The following PADI1 variants were observed in gnomAD, a reference collection of about 807,000 sequenced individuals.
The protein encoded by PADI1 is protein-arginine deiminase type-1.
In PADI1, 65 loss-of-function variants were observed where a neutral mutation model predicts 74.8. The ratio of observed to expected loss-of-function variants is 0.87; its 90% CI spans 0.71 to 1.07. The LOEUF is 1.07. PADI1 is among the 50% of genes least tolerant of loss of function. PADI1 has a pLI of 0.00. For missense variants in PADI1, 943 were observed against 854.0 expected, an observed-to-expected ratio of 1.10 and a Z score of -1.30; for synonymous variants, 371 against 336.2, an observed-to-expected ratio of 1.10 and a Z score of -1.13.
At chr1:17,239,502 G>GTTCCTTATCCATCACCAGGTT (rs2072726855) in intron 13 of PADI1, 2 of 547,210 alleles carry the variant, frequency 3.7e-6, no homozygotes, top group Non-Finnish European at 6.6e-6. Context: ...TTCCTGAGGG[G>GTTCCTTATCCATCACCAGGTT]TTCCTTATCC....
chr1:17,232,546 T>C (rs1323518652), intron 10 of PADI1, among the ~76,000 whole-genome samples: 1 of 152,280 alleles, frequency 6.6e-6, no homozygotes, highest in Non-Finnish European at 1.5e-5. Flanking sequence ...CTTTGATTTC[T>C]TCTTTGATCC....
chr1:17,242,325 G>A (rs1430188250), intron 15 of PADI1, among the ~76,000 whole-genome samples: 2 of 152,176 alleles, frequency 1.3e-5, no homozygotes, highest in Non-Finnish European at 2.9e-5. Flanking sequence ...GTTCCATATC[G>A]GTACAATACA....
At chr1:17,218,151 CATGGTCAAATT>C (rs909542483) in intron 1 of PADI1, among the ~76,000 whole-genome samples, 1 of 152,176 alleles carries the variant, frequency 6.6e-6, no homozygotes, top group African/African-American at 2.4e-5. Context: ...TTGGTCAAAT[CATGGTCAAATT>C]GCAACCACAG....
At chr1:17,222,952 C>T (rs1223761120) in intron 2 of PADI1, among the ~76,000 whole-genome samples, 3 of 100,364 alleles carry the variant, frequency 3.0e-5, no homozygotes, top group African/African-American at 1.6e-4. Context: ...CGCCCCAGCC[C>T]CCAGCACCCA....
chr1:17,236,019 G>T (rs1316194271), intron 11 of PADI1, among the ~76,000 whole-genome samples: 2 of 152,172 alleles, frequency 1.3e-5, no homozygotes, highest in Non-Finnish European at 2.9e-5. Context: ...TTTGAAAAGG[G>T]TTGGCTACGT....
Position 17,222,439 on chromosome 1 carries a change from G to A in PADI1, c.242G>A (p.Gly81Asp), listed in dbSNP as rs1420092187. 1.2e-6 allele frequency: 2 copies of A among 1,613,972 alleles called. No homozygotes were observed. Among genetic ancestry groups the A allele is most frequent in the Non-Finnish European group, 1.7e-6 (2 of 1,179,898 alleles). ...DTDADMVVSVGTASKELKDFK... is the reference protein window; with the variant it reads ...DTDADMVVSVDTASKELKDFK... ...GATGCAGACATGGTCGTATCTGTGGGCACAGCCAGTAAGGAATTAAAGGAC... is the reference window on the plus strand; with the variant it reads ...GATGCAGACATGGTCGTATCTGTGGACACAGCCAGTAAGGAATTAAAGGAC... Residue 81 changes from glycine (G) to aspartate (D), a missense_variant, in exon 2 of 16, where the codon GGC becomes GAC. By Grantham distance (94) the Gly-to-Asp change is moderately conservative (BLOSUM62 -1). Transcript: ENST00000375471.
intron 8 of PADI1, among the ~76,000 whole-genome samples, chr1:17,229,783 T>A (rs1410189563): frequency 6.6e-6 from 1 of 152,190 alleles, no homozygotes; most frequent in Non-Finnish European, 1.5e-5. Flanking sequence ...TCACTGCTAT[T>A]TTAACCCAAA....
chr1:17,229,064 C>G lies in PADI1; in HGVS notation c.929+13C>G, dbSNP rs2072411926. ...TGTATGTGTGCAGGTGAGGCTCCCT[C>G]CCTCCAGCCCTCCCCCAAGTCTGGA... On this transcript the variant is annotated intron_variant, in intron 8 of 15. Transcript: ENST00000375471. 3 of 1,479,180 alleles carry G rather than the reference C, an allele frequency of 2.0e-6. No individual in the cohort carries two copies. Among genetic ancestry groups the G allele is most frequent in the Non-Finnish European group, 2.8e-6 (3 of 1,081,638 alleles). The allele number at this position is 1,479,180 out of a possible 1,614,324, so 91.6% of individuals were successfully genotyped here.
chr1:17,208,853 G>A (rs2071757829), intron 1 of PADI1, among the ~76,000 whole-genome samples: 1 of 152,246 alleles, frequency 6.6e-6, no homozygotes, highest in African/African-American at 2.4e-5. Flanking sequence ...CAGAACCAGA[G>A]CCTGAGGCTG....
chr1:17,226,255 C>T (rs1331749530), intron 6 of PADI1, 97 bp downstream of exon 6: 3 of 1,358,984 alleles, frequency 2.2e-6, no homozygotes, highest in Admixed American at 1.8e-5. Flanking sequence ...CTTTTTGTAA[C>T]TCTCATTACA....
intron 8 of PADI1, 144 bp from the exon 9 acceptor site, chr1:17,229,941 A>G: frequency 4.3e-6 from 3 of 698,308 alleles, no homozygotes; most frequent in Non-Finnish European, 7.2e-6. Flanking sequence ...CATCTTCCCC[A>G]TGCGCCTATG....
chr1:17,210,309 A>T (rs2100396717), intron 1 of PADI1, among the ~76,000 whole-genome samples: 1 of 152,200 alleles, frequency 6.6e-6, no homozygotes, highest in African/African-American at 2.4e-5. Flanking sequence ...GGCCTGAGCC[A>T]CCGCGCCCGG....
chr1:17,216,081 G>A (rs1168786280), intron 1 of PADI1, among the ~76,000 whole-genome samples: 1 of 152,184 alleles, frequency 6.6e-6, no homozygotes, highest in Non-Finnish European at 1.5e-5. Flanking sequence ...GACAGACAGA[G>A]CTGCAGCCCT....
intron 3 of PADI1, 113 bp downstream of exon 3, chr1:17,223,806 A>T: frequency 1.2e-6 from 1 of 866,976 alleles, no homozygotes; most frequent in Non-Finnish European, 1.9e-6. Flanking sequence ...TTCCTCCATC[A>T]CTGAGGGGCT....
chr1:17,235,444 G>A (rs1350573576), intron 11 of PADI1, among the ~76,000 whole-genome samples: 1 of 152,152 alleles, frequency 6.6e-6, no homozygotes, highest in Non-Finnish European at 1.5e-5. Context: ...GGGCAGGGAT[G>A]GACCGGTAGG....
intron 6 of PADI1, among the ~76,000 whole-genome samples, chr1:17,227,571 A>AAAT (rs1553127882): frequency 7.5e-6 from 1 of 133,070 alleles, no homozygotes; most frequent in Non-Finnish European, 1.7e-5. Flanking sequence ...ATAAATAAAT[A>AAAT]AATAAATAAA....
chr1:17,229,512 C>T (rs185022698), intron 8 of PADI1, among the ~76,000 whole-genome samples: 4 of 152,350 alleles, frequency 2.6e-5, no homozygotes, highest in African/African-American at 9.6e-5. Flanking sequence ...TCATCATGCC[C>T]TTGAGGGAAG....
rs2071651364 is a variant in PADI1 at position 17,205,165 on chromosome 1, A to G, written c.-53A>G. 6.9e-7 allele frequency: 1 copy of G among 1,442,060 alleles called. No individual in the cohort carries two copies. The highest frequency in any genetic ancestry group is 1.2e-5 in the South Asian group (1 of 86,606). The allele number at this position is 1,442,060 out of a possible 1,614,324, so 89.3% of individuals were successfully genotyped here. A position where few individuals can be genotyped will look rare whatever the true frequency, so the allele number is the denominator to read the frequency against. ...TCTTCCTGGCAAAGAAGTGCCCAGGACGGGAGCTGGGGAGCCAGGGCTGAT... is the reference window on the plus strand; with the variant it reads ...TCTTCCTGGCAAAGAAGTGCCCAGGGCGGGAGCTGGGGAGCCAGGGCTGAT... On this transcript the variant is annotated 5_prime_UTR_variant, in exon 1 of 16. Coordinates refer to ENST00000375471, the MANE Select transcript of PADI1 (RefSeq NM_013358.3).
In PADI1 at chr1:17,244,573, T is replaced by G; in HGVS notation, c.*330T>G. 1 of 430,620 alleles carries G rather than the reference T, an allele frequency of 2.3e-6. No individual in the cohort carries two copies. The highest frequency in any genetic ancestry group is 1.8e-5 in the South Asian group (1 of 55,322). The allele number at this position is 430,620 out of a possible 1,614,324, so 26.7% of individuals were successfully genotyped here. On this transcript the variant is annotated 3_prime_UTR_variant, in exon 16 of 16. Coordinates refer to ENST00000375471, the MANE Select transcript of PADI1 (RefSeq NM_013358.3). The stretch of plus-strand genomic sequence containing the variant: ...GGGCCCCACTTAGAATTGCTCCCCC[T>G]TCATTCTGATGCCTCCCTGGGGAAC...
Sources: allele counts gnomAD v4.1 joint callset (sites outside exome capture counted in the v4.1 genomes callset), GRCh38; gene constraint gnomAD v4.1.1; transcripts MANE v1.5; gene names NCBI Gene and HGNC (gene_info 2026-07-23, HGNC 2026-07-21).